The following ARRB1 variants were observed in gnomAD, a reference collection of about 807,000 sequenced individuals.
The protein encoded by ARRB1 is arrestin beta 1.
A neutral mutation model predicts 56.8 loss-of-function variants in ARRB1; 21 were observed. The observed-to-expected ratio is 0.37, with a 90% CI of 0.26 to 0.53. The LOEUF is 0.53. Ranked by LOEUF, ARRB1 falls within the 20% of genes least tolerant of loss-of-function variation. ARRB1 has a pLI of 0.88. For missense variants in ARRB1, 424 were observed against 553.7 expected (o/e 0.77, Z 2.35); for synonymous variants, 210 against 218.6 (o/e 0.96, Z 0.35).
chr11:75,345,870 T>A (rs1382705811), intron 1 of ARRB1, among the ~76,000 whole-genome samples: 2 of 151,818 alleles, frequency 1.3e-5, no homozygotes, highest in East Asian at 3.9e-4. Context: ...GGGAAAAAAA[T>A]TTTCAGTCCA....
chr11:75,346,692 T>C (rs112272479), intron 1 of ARRB1, among the ~76,000 whole-genome samples: 1,784 of 152,254 alleles, frequency 0.012, 21 homozygotes, highest in Non-Finnish European at 0.015. Flanking sequence ...GCTCCAAGAA[T>C]ATGGCCTTCC....
intron 10 of ARRB1, chr11:75,275,064 C>T (rs1946165236): frequency 6.6e-6 from 1 of 151,788 alleles, no homozygotes. Context: ...ATGATCATAC[C>T]ACTGCACTCC....
rs536628958 is a variant in ARRB1 at position 75,280,623 on chromosome 11, G to A, written c.482+452C>T. Reference sequence around the variant, plus strand: ...CTCCCTGTCACTCTCCCCTGGATGGGTTCACTATCTCCACTTCCTCCTCAC... The same window carrying A: ...CTCCCTGTCACTCTCCCCTGGATGGATTCACTATCTCCACTTCCTCCTCAC... On this transcript the variant is annotated intron_variant, in intron 7 of 15. Coordinates refer to ENST00000420843, the MANE Select transcript of ARRB1 (RefSeq NM_004041.5). Among the ~76,000 whole-genome samples, 6 of 152,316 alleles carry A rather than the reference G, an allele frequency of 3.9e-5. No homozygotes were observed. The South Asian group carries it at 1.2e-3, about 32-fold the overall frequency.
chr11:75,267,656 T>G lies in ARRB1; in HGVS notation c.1141A>C (p.Thr381Pro). 6.2e-7 allele frequency: 1 copy of G among 1,605,874 alleles called. No individual in the cohort carries two copies. Among genetic ancestry groups the G allele is most frequent in the Non-Finnish European group, 8.5e-7 (1 of 1,175,942 alleles). ...TGCAGGCAGGGTTCAGCTTACTTTG[T>G]GTCAAGTTCTATGAGATTGGTATCT... ...PVDTNLIELD[T>P]NDDDIVFEDF... Residue 381 changes from threonine to proline, a missense_variant, in exon 15 of 16, where the codon ACA becomes CCA. Coordinates refer to ENST00000420843, the MANE Select transcript of ARRB1 (RefSeq NM_004041.5).
intron 1 of ARRB1, among the ~76,000 whole-genome samples, chr11:75,321,087 C>G (rs559663523): frequency 1.3e-5 from 2 of 152,194 alleles, no homozygotes; most frequent in African/African-American, 4.8e-5. Flanking sequence ...TTTGACTTCT[C>G]TTGTTCTCTG....
intron 8 of ARRB1, 134 bp from the exon 9 acceptor site, chr11:75,277,582 TC>T (rs1946229640): frequency 1.3e-6 from 1 of 761,508 alleles, no homozygotes; most frequent in South Asian, 1.6e-5. Context: ...GGTCTGCTGC[TC>T]CCATCTGAAG....
chr11:75,282,498 G>A (rs558628278), intron 5 of ARRB1, among the ~76,000 whole-genome samples: 5 of 152,228 alleles, frequency 3.3e-5, no homozygotes, highest in African/African-American at 1.2e-4. Context: ...AAGACTCAAC[G>A]GCCACTGCTG....
At chr11:75,271,249 T>G (rs1392712210) in intron 13 of ARRB1, 1 of 155,240 alleles carries the variant, frequency 6.4e-6, no homozygotes, top group Non-Finnish European at 1.4e-5. Context: ...TTGGGGTACA[T>G]GCATTTTTGG....
chr11:75,269,813 C>T (rs1352164490), intron 13 of ARRB1, among the ~76,000 whole-genome samples: 1 of 152,232 alleles, frequency 6.6e-6, no homozygotes, highest in Non-Finnish European at 1.5e-5. Flanking sequence ...TTATTAGATT[C>T]TGGCTCCATA....
At position 75,267,646 on chromosome 11, in the gene ARRB1, G is replaced by C; in HGVS notation, c.1145+6C>G. 6.6e-7 allele frequency: 1 copy of C among 1,505,780 alleles called. No homozygotes were observed. Among genetic ancestry groups the C allele is most frequent in the Non-Finnish European group, 9.0e-7 (1 of 1,113,078 alleles). 93.3% of individuals were successfully genotyped at this position (1,505,780 alleles called of 1,614,324 possible). On this transcript the variant is annotated splice_donor_region_variant and intron_variant, in intron 15 of 15. Coordinates refer to ENST00000420843, the MANE Select transcript of ARRB1 (RefSeq NM_004041.5). Reference sequence around the variant, plus strand: ...CCCGGATGTCTGCAGGCAGGGTTCAGCTTACTTTGTGTCAAGTTCTATGAG... The same window carrying C: ...CCCGGATGTCTGCAGGCAGGGTTCACCTTACTTTGTGTCAAGTTCTATGAG...
intron 2 of ARRB1, among the ~76,000 whole-genome samples, chr11:75,289,373 G>A (rs1946552752): frequency 6.6e-6 from 1 of 152,210 alleles, no homozygotes; most frequent in Non-Finnish European, 1.5e-5. Context: ...GCTGGGTCCT[G>A]CAGCCCCAAT....
At chr11:75,298,782 A>G (rs1946824026) in intron 1 of ARRB1, among the ~76,000 whole-genome samples, 2 of 151,620 alleles carry the variant, frequency 1.3e-5, no homozygotes, top group African/African-American at 2.4e-5. Context: ...TGAAAAAAAA[A>G]ATCTATCAAT....
chr11:75,283,411 T>A lies in ARRB1; in HGVS notation c.230A>T (p.Lys77Met). Residue 77 changes from lysine to methionine, a missense_variant, in exon 5 of 16, where the codon AAG becomes ATG. By Grantham distance (95) the Lys-to-Met change is moderately conservative. Transcript: ENST00000420843. ...DLDVLGLTFR[K>M]DLFVANVQSF... ...CTGTACGTTGGCCACAAACAGGTCC[T>A]TGCGAAAGGTCAGGCCCAGGACATC... The A allele has an allele frequency of 6.2e-7, 1 of 1,614,150 alleles. No homozygotes were observed. Among genetic ancestry groups the A allele is most frequent in the Non-Finnish European group, 8.5e-7 (1 of 1,179,978 alleles).
chr11:75,295,197 G>C (rs1309692486), intron 1 of ARRB1, among the ~76,000 whole-genome samples: 2 of 142,530 alleles, frequency 1.4e-5, no homozygotes, highest in African/African-American at 5.3e-5. Flanking sequence ...ACTTGAGCCT[G>C]GGTGACAGAG....
intron 1 of ARRB1, among the ~76,000 whole-genome samples, chr11:75,335,521 G>A (rs1947588882): frequency 6.6e-6 from 1 of 152,108 alleles, no homozygotes; most frequent in African/African-American, 2.4e-5. Flanking sequence ...GGAAGTCAAG[G>A]CTATAGTGAG....
At chr11:75,269,435 C>G (rs1008551648) in intron 13 of ARRB1, among the ~76,000 whole-genome samples, 2 of 152,154 alleles carry the variant, frequency 1.3e-5, no homozygotes, top group Non-Finnish European at 2.9e-5. Context: ...TAAAAGTGCT[C>G]AGGTGACCCT....
At chr11:75,296,744 C>T (rs886385666) in intron 1 of ARRB1, among the ~76,000 whole-genome samples, 4 of 151,986 alleles carry the variant, frequency 2.6e-5, no homozygotes, top group Non-Finnish European at 5.9e-5. Flanking sequence ...GCGGCACCAG[C>T]GAGGCTCACT....
At chr11:75,331,938 G>C (rs1479558821) in intron 1 of ARRB1, among the ~76,000 whole-genome samples, 2 of 152,120 alleles carry the variant, frequency 1.3e-5, no homozygotes, top group Non-Finnish European at 2.9e-5. Flanking sequence ...AACCACAAAA[G>C]AAGTGAAAAT....
At chr11:75,284,403 G>T in intron 3 of ARRB1, 124 bp from the exon 4 acceptor site, 1 of 994,688 alleles carries the variant, frequency 1.0e-6, no homozygotes, top group South Asian at 2.2e-5. Flanking sequence ...GAGAAAAATG[G>T]AAAGGCGGGC....
Sources: gnomAD v4.1 joint callset for allele counts (sites outside exome capture counted in the v4.1 genomes callset) on GRCh38, gnomAD v4.1.1 for gene constraint, MANE v1.5 for transcripts, NCBI Gene and HGNC (gene_info 2026-07-23, HGNC 2026-07-21) for gene names.